RTTN: variants seen among roughly 807,000 people sequenced by gnomAD.
The protein encoded by RTTN is rotatin.
RTTN carries 182 observed loss-of-function variants against 269.2 expected under a neutral mutation model. The observed-to-expected ratio is 0.68, with a 90% CI of 0.60 to 0.76. RTTN has a LOEUF of 0.76. Among genes scored for constraint, RTTN ranks in the 30% least tolerant of loss-of-function variants. The probability of loss-of-function intolerance (pLI) is 0.00; values close to 1 mark genes in which losing one functional copy is unlikely to be tolerated. For synonymous variants in RTTN, 1,006 were observed against 963.5 expected, an observed-to-expected ratio of 1.04 and a Z score of -0.82; for missense variants, 2,545 against 2,608.6, an observed-to-expected ratio of 0.98 and a Z score of 0.53.
intron 27 of RTTN, among the ~76,000 whole-genome samples, chr18:70,110,532 T>C (rs971402690): frequency 6.6e-6 from 1 of 152,172 alleles, no homozygotes; most frequent in East Asian, 1.9e-4. Context: ...GCACAGATAC[T>C]GCGCTTGTCC....
At chr18:70,129,755 C>A (rs2059952506) in intron 23 of RTTN, 1 of 151,692 alleles carries the variant, frequency 6.6e-6, no homozygotes, top group African/African-American at 2.4e-5. Flanking sequence ...CACAGGCAAG[C>A]AAAGCAAAAA....
intron 35 of RTTN, 96 bp from the exon 36 acceptor site, chr18:70,060,138 A>G: frequency 1.8e-6 from 2 of 1,125,582 alleles, no homozygotes; most frequent in East Asian, 2.6e-5. Context: ...CCTGAAAATG[A>G]TAATGTATAG....
intron 46 of RTTN, among the ~76,000 whole-genome samples, chr18:70,009,361 C>T (rs2056299390): frequency 1.3e-5 from 2 of 152,152 alleles, no homozygotes; most frequent in Admixed American, 6.5e-5. Context: ...TGGTCTCAGA[C>T]TCTGGATCTC....
chr18:70,099,169 A>G (rs1482446784), intron 28 of RTTN, among the ~76,000 whole-genome samples: 3 of 152,188 alleles, frequency 2.0e-5, no homozygotes, highest in Non-Finnish European at 4.4e-5. Flanking sequence ...GAATCACCAC[A>G]CTGTCTGCCA....
intron 5 of RTTN, among the ~76,000 whole-genome samples, chr18:70,198,711 C>T (rs753693780): frequency 2.7e-4 from 41 of 152,156 alleles, no homozygotes; most frequent in Non-Finnish European, 5.0e-4. Context: ...CCAACCTTAT[C>T]CACATGGTTT....
At chr18:70,160,435 T>TG in intron 14 of RTTN, among the ~76,000 whole-genome samples, 1 of 151,604 alleles carries the variant, frequency 6.6e-6, no homozygotes, top group East Asian at 1.9e-4. Flanking sequence ...CTCAAAATAA[T>TG]GAGTTATCCA....
intron 3 of RTTN, among the ~76,000 whole-genome samples, chr18:70,203,461 C>G (rs1203021984): frequency 6.6e-6 from 1 of 152,038 alleles, no homozygotes; most frequent in East Asian, 1.9e-4. Flanking sequence ...CCCAAAGTGC[C>G]GGGATTACAG....
rs534306467 is a variant in RTTN, at chr18:70,169,824, G to A, written c.1477-757C>T. Reference sequence around the variant, plus strand: ...GAATAAAAAGGACTAAAAATTTGACGTTCAGAGAAAATCTCTTGACAAGAC... The same window carrying A: ...GAATAAAAAGGACTAAAAATTTGACATTCAGAGAAAATCTCTTGACAAGAC... On this transcript the variant is annotated intron_variant, in intron 11 of 48. Transcript: ENST00000640769. Among the ~76,000 whole-genome samples the A allele has an allele frequency of 5.3e-5, 8 of 152,216 alleles. No homozygotes were observed. In the East Asian group the frequency reaches 5.8e-4, roughly 11 times the overall value.
chr18:70,151,182 A>C (rs2060527874), intron 14 of RTTN, among the ~76,000 whole-genome samples: 1 of 148,040 alleles, frequency 6.8e-6, no homozygotes. Context: ...GAATATAAAG[A>C]ATACATATTT....
chr18:70,139,691 C>T lies in RTTN; in HGVS notation c.2696G>A (p.Cys899Tyr), dbSNP rs1240681928. The T allele has an allele frequency of 1.2e-6, 2 of 1,611,918 alleles. No homozygotes were observed. The highest frequency in any genetic ancestry group is 1.1e-5 in the South Asian group (1 of 90,936). ...GKVVECLVQP[C>Y]LTLLRKVLCG... ...TAAAACCTTCCTCAAGAGTGTGAGG[C>T]ATGGTTGTACCAAACATTCTACAAC... The change falls in exon 21 of 49, where the codon TGC (cysteine) becomes TAC (tyrosine). Residue 899 changes from cysteine to tyrosine, a missense_variant. Cys to Tyr is a radical substitution (Grantham distance 194, BLOSUM62 -2). Transcript: ENST00000640769.
intron 36 of RTTN, among the ~76,000 whole-genome samples, chr18:70,058,450 G>A (rs1467200499): frequency 1.3e-5 from 2 of 152,118 alleles, no homozygotes; most frequent in African/African-American, 2.4e-5. Context: ...CCCAGGAGGC[G>A]GAGGTTGCAG....
chr18:70,054,453 G>C (rs557250013), intron 37 of RTTN, among the ~76,000 whole-genome samples, 169 bp from the exon 38 acceptor site: 68 of 152,144 alleles, frequency 4.5e-4, no homozygotes, highest in Non-Finnish European at 7.8e-4. Flanking sequence ...TCATAAGCAT[G>C]TCATTAACAG....
chr18:70,061,815 C>T (rs528079265), intron 35 of RTTN, among the ~76,000 whole-genome samples: 6 of 152,278 alleles, frequency 3.9e-5, no homozygotes, highest in African/African-American at 1.4e-4. Flanking sequence ...GCCTGGATGA[C>T]AGAATGAGAC....
intron 44 of RTTN, among the ~76,000 whole-genome samples, chr18:70,022,410 C>A (rs1023858232): frequency 1.3e-5 from 2 of 152,022 alleles, no homozygotes; most frequent in African/African-American, 4.8e-5. Flanking sequence ...AGGCTGGGCT[C>A]TTACCTGCAC....
intron 40 of RTTN, among the ~76,000 whole-genome samples, chr18:70,046,400 G>C (rs1263273235): frequency 6.6e-6 from 1 of 152,150 alleles, no homozygotes. Context: ...AAGTGTGTCA[G>C]CAAGAGCAAA....
Position 70,067,187 on chromosome 18 carries a change from T to C in RTTN, c.4654-1265A>G, listed in dbSNP as rs1481549041. Among the ~76,000 whole-genome samples, 3 of 144,766 alleles carry C rather than the reference T, an allele frequency of 2.1e-5. No homozygotes were observed. The East Asian group carries it at 6.1e-4, about 29-fold the overall frequency. 95.0% of individuals were successfully genotyped at this position (144,766 alleles called of 152,430 possible). On this transcript the variant is annotated intron_variant, in intron 34 of 48. Coordinates refer to ENST00000640769, the MANE Select transcript of RTTN (RefSeq NM_173630.4). ...TATTTTTTTTTTTTTTGAGACGGAG[T>C]CTCACTCTGTTGCCCAGGCTGGAGT...
At chr18:70,026,047 T>A (rs1463051805) in intron 43 of RTTN, among the ~76,000 whole-genome samples, 1 of 152,252 alleles carries the variant, frequency 6.6e-6, no homozygotes, top group Non-Finnish European at 1.5e-5. Flanking sequence ...AAATTATTAA[T>A]GCCACTATTC....
In RTTN at chr18:70,023,260, T is replaced by G. The variant is rs532815939; in HGVS notation, c.5950+1462A>C. On this transcript the variant is annotated intron_variant, in intron 44 of 48. Coordinates refer to ENST00000640769, the MANE Select transcript of RTTN (RefSeq NM_173630.4). ...CCCAGATTAGCCACGCCCAGATTCC[T>G]GAGCCACAGAAGCCGTGGCATAATG... Among the ~76,000 whole-genome samples, 15 of 152,292 alleles carry G rather than the reference T, an allele frequency of 9.8e-5. No homozygotes were observed. The South Asian group carries it at 3.1e-3, about 32-fold the overall frequency.
intron 40 of RTTN, among the ~76,000 whole-genome samples, chr18:70,038,416 G>C (rs765259230): frequency 1.8e-4 from 27 of 152,206 alleles, no homozygotes; most frequent in Non-Finnish European, 3.1e-4. Context: ...TATATAGAGA[G>C]AGACTCTGTT....
Sources: allele counts gnomAD v4.1 joint callset (sites outside exome capture counted in the v4.1 genomes callset), GRCh38; gene constraint gnomAD v4.1.1; transcripts MANE v1.5; gene names NCBI Gene and HGNC (gene_info 2026-07-23, HGNC 2026-07-21).